The following TPTE2 variants were observed in gnomAD, a reference collection of about 807,000 sequenced individuals.
The protein encoded by TPTE2 is transmembrane phosphoinositide 3-phosphatase and tensin homolog 2.
Under a neutral mutation model 78.6 loss-of-function variants are expected in TPTE2, and 53 were observed. The observed-to-expected ratio is 0.67, with a 90% CI of 0.54 to 0.85. The LOEUF is 0.85. Ranked by LOEUF, TPTE2 falls within the 40% of genes least tolerant of loss-of-function variation. The pLI is 0.00. For synonymous variants in TPTE2, 175 were observed against 206.2 expected (o/e 0.85, Z 1.30); for missense variants, 461 against 623.0 (o/e 0.74, Z 2.77).
At chr13:19,536,481 T>C (rs1017319001) in intron 1 of TPTE2, 1 of 152,202 alleles carries the variant, frequency 6.6e-6, no homozygotes, top group Non-Finnish European at 1.5e-5. Context: ...TGTTGATCAT[T>C]CCTGTGCTTT....
At chr13:19,552,349 T>G in the TPTE2 span, among the ~76,000 whole-genome samples, 1 of 152,222 alleles carries the variant, frequency 6.6e-6, no homozygotes, top group Non-Finnish European at 1.5e-5. Flanking sequence ...GATGCTTTTT[T>G]GCCATCTAGT....
chr13:19,465,283 T>C (rs1461570583), exon 9 of TPTE2: 2 of 1,613,880 alleles, frequency 1.2e-6, no homozygotes. Context: ...CTAGGTCAAA[T>C]CCATCCCTTG....
chr13:19,540,286 T>C (rs1473242585), upstream of TPTE2, among the ~76,000 whole-genome samples: 1 of 148,292 alleles, frequency 6.7e-6, no homozygotes, highest in Non-Finnish European at 1.5e-5. Context: ...ATCTCATTAT[T>C]ATTATTATTA....
intron 10 of TPTE2, among the ~76,000 whole-genome samples, chr13:19,453,851 C>A (rs1374059230): frequency 6.6e-6 from 1 of 152,118 alleles, no homozygotes; most frequent in Non-Finnish European, 1.5e-5. Flanking sequence ...TTCTCAATAG[C>A]TCAGCCTTTG....
chr13:19,560,408 C>T, the TPTE2 span: 1 of 1,609,304 alleles, frequency 6.2e-7, no homozygotes, highest in Admixed American at 1.7e-5. Context: ...CCCTCTTCAT[C>T]CAGGACTAAG....
At chr13:19,548,700 CA>C in the TPTE2 span, among the ~76,000 whole-genome samples, 48 of 151,410 alleles carry the variant, frequency 3.2e-4, 1 homozygote, top group Admixed American at 9.2e-4. Flanking sequence ...TGACCATATA[CA>C]AAAATCAACT....
intron 1 of TPTE2, among the ~76,000 whole-genome samples, chr13:19,513,631 C>G (rs1294771557): frequency 6.6e-6 from 1 of 152,164 alleles, no homozygotes; most frequent in Admixed American, 6.6e-5. Flanking sequence ...TGTGTTGTCC[C>G]TAAAAATTCT....
At chr13:19,488,934 T>C (rs1880818842) in intron 3 of TPTE2, among the ~76,000 whole-genome samples, 1 of 152,182 alleles carries the variant, frequency 6.6e-6, no homozygotes, top group African/African-American at 2.4e-5. Context: ...GCTTTTGGTT[T>C]AAAGTGAGAG....
intron 1 of TPTE2, among the ~76,000 whole-genome samples, chr13:19,497,763 GC>G (rs1881477532): frequency 6.6e-6 from 1 of 151,432 alleles, no homozygotes. Flanking sequence ...CCAAAGGAAC[GC>G]AGTTCCTCAC....
chr13:19,447,051 T>C (rs532474802), intron 13 of TPTE2, among the ~76,000 whole-genome samples: 16 of 152,272 alleles, frequency 1.1e-4, no homozygotes, highest in African/African-American at 3.6e-4. Flanking sequence ...AAATTGGCAT[T>C]CAGATTCTTT....
At chr13:19,488,439 T>C (rs1287174623) in intron 3 of TPTE2, among the ~76,000 whole-genome samples, 1 of 152,260 alleles carries the variant, frequency 6.6e-6, no homozygotes, top group African/African-American at 2.4e-5. Flanking sequence ...CTTGTCTACA[T>C]TGAAAATCTG....
rs561332326 is a variant in TPTE2, at chr13:19,535,539, T to C, written c.-44+1057A>G. On this transcript the variant is annotated intron_variant, in intron 1 of 17. Transcript: ENST00000390680. This position sits in a 1 kb window ranked among gnomAD's most constrained non-coding sequence, Gnocchi z 5.1. ...AACAAAACTCTATAGAAAGATATTATAAAATCAAGGATTAAATTTAGATTG... is the reference window on the plus strand; with the variant it reads ...AACAAAACTCTATAGAAAGATATTACAAAATCAAGGATTAAATTTAGATTG... 6.6e-6 allele frequency among the ~76,000 whole-genome samples: 1 copy of C among 152,152 alleles called. No individual in the cohort carries two copies. The highest frequency in any genetic ancestry group is 1.9e-4 in the East Asian group (1 of 5,192).
chr13:19,496,098 T>G (rs1881294143), intron 1 of TPTE2, among the ~76,000 whole-genome samples: 1 of 152,144 alleles, frequency 6.6e-6, no homozygotes, highest in Non-Finnish European at 1.5e-5. Flanking sequence ...GAACTACTGA[T>G]CTCGTTATCC....
At chr13:19,427,035 T>C (rs1342575364) in intron 17 of TPTE2, among the ~76,000 whole-genome samples, 1 of 151,566 alleles carries the variant, frequency 6.6e-6, no homozygotes, top group Non-Finnish European at 1.5e-5. Flanking sequence ...GCCAACATGT[T>C]TAGGGTTATC....
Position 19,424,982 on chromosome 13 carries a change from GA to G in TPTE2, c.1430del (p.Phe477SerfsTer50). The G allele has an allele frequency of 1.3e-6, 2 of 1,544,524 alleles. No individual in the cohort carries two copies. Among genetic ancestry groups the G allele is most frequent in the Admixed American group, 3.9e-5 (2 of 51,622 alleles). Reference sequence around the variant, plus strand: ...GAATAAAAGACGTGTTGAACCAGAAGAAAAATGGACAATTGTCATAGTATTT... The same window carrying G: ...GAATAAAAGACGTGTTGAACCAGAAGAAAATGGACAATTGTCATAGTATTT... On this transcript the variant is annotated frameshift_variant, in exon 19 of 20. Coordinates refer to ENST00000400230, the Ensembl canonical transcript of TPTE2. LOFTEE classifies it low-confidence loss of function (END_TRUNC).
At chr13:19,502,343 G>A (rs1035346964) in intron 1 of TPTE2, among the ~76,000 whole-genome samples, 2 of 151,090 alleles carry the variant, frequency 1.3e-5, no homozygotes, top group Admixed American at 6.6e-5. Flanking sequence ...AAAGACACAT[G>A]CACACGTATA....
At chr13:19,557,577 C>T in the TPTE2 span, among the ~76,000 whole-genome samples, 2 of 152,168 alleles carry the variant, frequency 1.3e-5, no homozygotes, top group African/African-American at 4.8e-5. Context: ...TATGTAAGTC[C>T]TAGTAAACTC....
chr13:19,538,813 A>C (rs1328064757), upstream of TPTE2, among the ~76,000 whole-genome samples: 1 of 152,214 alleles, frequency 6.6e-6, no homozygotes, highest in African/African-American at 2.4e-5. Context: ...CAATGCACCC[A>C]GCCTGCTTCA....
chr13:19,470,123 T>C (rs1879512926), intron 6 of TPTE2, among the ~76,000 whole-genome samples: 1 of 152,164 alleles, frequency 6.6e-6, no homozygotes, highest in Non-Finnish European at 1.5e-5. Context: ...AGAGAAAAGC[T>C]TTTCATTTTT....
Sources: gnomAD v4.1 joint callset for allele counts (sites outside exome capture counted in the v4.1 genomes callset) on GRCh38, gnomAD v4.1.1 for gene constraint, Gnocchi (gnomAD v3.1) non-coding constraint, MANE v1.5 for transcripts, NCBI Gene and HGNC (gene_info 2026-07-23, HGNC 2026-07-21) for gene names.